Variants in RCAN2 observed in about 807,000 individuals in gnomAD.
RCAN2 encodes the protein regulator of calcineurin 2.
In RCAN2, 9 loss-of-function variants were observed where a neutral mutation model predicts 23.6. The observed-to-expected ratio is 0.38, with a 90% CI of 0.23 to 0.67. The LOEUF is 0.67. Among genes scored for constraint, RCAN2 ranks in the 30% least tolerant of loss-of-function variants. The pLI is 0.51. For synonymous variants in RCAN2, 109 were observed against 115.7 expected, an observed-to-expected ratio of 0.94 and a Z score of 0.37; for missense variants, 273 against 302.3, an observed-to-expected ratio of 0.90 and a Z score of 0.72.
chr6:46,264,560 T>C (rs4714909), intron 2 of RCAN2, among the ~76,000 whole-genome samples: 119,093 of 152,084 alleles, frequency 0.78, 46,970 homozygotes, highest in Non-Finnish European at 0.83. Context: ...TGAAACCTTA[T>C]ATAAAATTAA....
chr6:46,285,771 T>C (rs1482827766), intron 2 of RCAN2, among the ~76,000 whole-genome samples: 2 of 152,216 alleles, frequency 1.3e-5, no homozygotes, highest in Non-Finnish European at 2.9e-5. Context: ...CTTTTTTCAA[T>C]TTTAATTTTA....
rs111847738 is a variant in RCAN2 at position 46,371,638 on chromosome 6, G to A, written c.225+85114C>T. Among the ~76,000 whole-genome samples the A allele has an allele frequency of 5.4e-3, 819 of 152,324 alleles. 8 individuals carry two copies. The highest frequency in any genetic ancestry group is 0.018 in the African/African-American group (752 of 41,562). On this transcript the variant is annotated intron_variant, in intron 2 of 4. Coordinates refer to ENST00000371374, the MANE Select transcript of RCAN2 (RefSeq NM_001251974.2). ...AACATGTAGACTGTTTTGTTTACAG[G>A]ACTTGAAGGCTAGATGCCCATAGTC... is the stretch of plus-strand genomic sequence containing the variant.
intron 2 of RCAN2, among the ~76,000 whole-genome samples, chr6:46,455,171 C>A (rs530975046): frequency 6.6e-6 from 1 of 152,138 alleles, no homozygotes; most frequent in Admixed American, 6.5e-5. Flanking sequence ...AATCCAAGAA[C>A]AAAATTCTCA....
chr6:46,233,886 C>A (rs1475356945), intron 4 of RCAN2, among the ~76,000 whole-genome samples: 1 of 152,052 alleles, frequency 6.6e-6, no homozygotes, highest in Non-Finnish European at 1.5e-5. Context: ...TACGATCACA[C>A]CCGGCTAATT....
At chr6:46,487,311 T>G (rs1304910793) in intron 1 of RCAN2, among the ~76,000 whole-genome samples, 1 of 152,246 alleles carries the variant, frequency 6.6e-6, no homozygotes, top group Non-Finnish European at 1.5e-5. Context: ...ATGCACATTT[T>G]GGAAGTTATT....
intron 2 of RCAN2, among the ~76,000 whole-genome samples, chr6:46,271,805 G>A (rs9395171): frequency 0.78 from 119,359 of 152,140 alleles, 47,126 homozygotes; most frequent in Non-Finnish European, 0.83. Context: ...GTAGAAAGAA[G>A]TACATCTCAT....
chr6:46,481,296 T>C (rs16874663), intron 1 of RCAN2, among the ~76,000 whole-genome samples: 1 of 152,132 alleles, frequency 6.6e-6, no homozygotes, highest in Non-Finnish European at 1.5e-5. Context: ...AATGAATTAA[T>C]GAAATATATG....
At chr6:46,431,922 C>T (rs1767222052) in intron 2 of RCAN2, among the ~76,000 whole-genome samples, 1 of 152,082 alleles carries the variant, frequency 6.6e-6, no homozygotes, top group South Asian at 2.1e-4. Flanking sequence ...GAAACTACAT[C>T]CGTATGTTTA....
At chr6:46,247,868 T>C (rs1009297415) in intron 3 of RCAN2, among the ~76,000 whole-genome samples, 1 of 152,238 alleles carries the variant, frequency 6.6e-6, no homozygotes, top group Non-Finnish European at 1.5e-5. Flanking sequence ...GTCGAATTGC[T>C]GGGCCAGATG....
chr6:46,431,700 C>T (rs1466615419), intron 2 of RCAN2, among the ~76,000 whole-genome samples: 1 of 152,146 alleles, frequency 6.6e-6, no homozygotes, highest in Non-Finnish European at 1.5e-5. Context: ...TGGCTAGCTT[C>T]CTTTAACTTT....
chr6:46,249,450 C>T (rs1163200427), intron 2 of RCAN2, among the ~76,000 whole-genome samples: 1 of 150,480 alleles, frequency 6.6e-6, no homozygotes, highest in Non-Finnish European at 1.5e-5. Flanking sequence ...TCCTGAGTAG[C>T]TGGGATTACA....
At chr6:46,306,534 T>C (rs1329098574) in intron 2 of RCAN2, among the ~76,000 whole-genome samples, 1 of 152,122 alleles carries the variant, frequency 6.6e-6, no homozygotes, top group Non-Finnish European at 1.5e-5. Context: ...GATGGTGACA[T>C]TTACATCACA....
At chr6:46,401,710 T>C (rs1766252536) in intron 2 of RCAN2, among the ~76,000 whole-genome samples, 1 of 152,204 alleles carries the variant, frequency 6.6e-6, no homozygotes, top group South Asian at 2.1e-4. Context: ...TCCTCCACAA[T>C]TGTCAGCACA....
At chr6:46,322,677 A>G (rs1409439152) in intron 2 of RCAN2, among the ~76,000 whole-genome samples, 1 of 152,186 alleles carries the variant, frequency 6.6e-6, no homozygotes, top group Non-Finnish European at 1.5e-5. Context: ...AACAAACAAG[A>G]CTGAGATTAA....
intron 2 of RCAN2, among the ~76,000 whole-genome samples, chr6:46,312,909 G>C (rs1763309490): frequency 1.3e-5 from 2 of 152,176 alleles, no homozygotes; most frequent in African/African-American, 4.8e-5. Flanking sequence ...AGCCAGAGTG[G>C]ACTTCCAGTC....
intron 2 of RCAN2, among the ~76,000 whole-genome samples, chr6:46,335,791 C>T (rs1179472071): frequency 6.6e-6 from 1 of 152,194 alleles, no homozygotes; most frequent in Non-Finnish European, 1.5e-5. Flanking sequence ...ATACCTACCT[C>T]TGTTTAGAAT....
chr6:46,382,575 CA>C (rs1252093509), intron 2 of RCAN2, among the ~76,000 whole-genome samples: 1 of 152,152 alleles, frequency 6.6e-6, no homozygotes, highest in Non-Finnish European at 1.5e-5. Context: ...AGTTAAAAAA[CA>C]AGAAAGAACA....
intron 1 of RCAN2, among the ~76,000 whole-genome samples, chr6:46,476,033 G>C (rs893886605): frequency 6.6e-6 from 1 of 152,150 alleles, no homozygotes. Flanking sequence ...GTAGATAATG[G>C]GAATGCACTA....
Position 46,402,273 on chromosome 6 carries a change from C to T in RCAN2, c.225+54479G>A, listed in dbSNP as rs74625789. 5.2e-3 allele frequency among the ~76,000 whole-genome samples: 791 copies of T among 151,930 alleles called. 6 individuals are homozygous for T. The highest frequency in any genetic ancestry group is 0.018 in the African/African-American group (753 of 41,434). The stretch of plus-strand genomic sequence containing the variant: ...TGTTGTATGTCCAGGTAAGTATATA[C>T]GTGTGTATATATGTGTGTGTTGTGT... On this transcript the variant is annotated intron_variant, in intron 2 of 4. Transcript: ENST00000371374.
Sources: gnomAD v4.1 joint callset for allele counts (sites outside exome capture counted in the v4.1 genomes callset) on GRCh38, gnomAD v4.1.1 for gene constraint, MANE v1.5 for transcripts, NCBI Gene and HGNC (gene_info 2026-07-23, HGNC 2026-07-21) for gene names.